BLTP1: variants seen among roughly 807,000 people sequenced by gnomAD.
The protein encoded by BLTP1 is bridge-like lipid transfer protein family member 1.
At chr4:122,203,202 C>T in the BLTP1 span, among the ~76,000 whole-genome samples, 4 of 151,944 alleles carry the variant, frequency 2.6e-5, no homozygotes, top group African/African-American at 9.6e-5. Flanking sequence ...CCTAATGTTC[C>T]TGAACAGCCA....
chr4:122,196,773 G>A, the BLTP1 span: 1 of 1,572,232 alleles, frequency 6.4e-7, no homozygotes, highest in Admixed American at 1.7e-5. Context: ...CAATTGATTT[G>A]CTGTTTACCA....
chr4:122,309,989 A>C, the BLTP1 span, among the ~76,000 whole-genome samples: 1 of 152,242 alleles, frequency 6.6e-6, no homozygotes, highest in Non-Finnish European at 1.5e-5. Context: ...TATTGAAGAT[A>C]CGGAATTTAT....
chr4:122,180,393 G>C, the BLTP1 span, among the ~76,000 whole-genome samples: 3 of 152,108 alleles, frequency 2.0e-5, no homozygotes, highest in Non-Finnish European at 4.4e-5. Context: ...TAATCTTTCA[G>C]AATGTGATAT....
chr4:122,175,004 A>G, the BLTP1 span: 6 of 927,360 alleles, frequency 6.5e-6, no homozygotes, highest in African/African-American at 8.9e-5. Flanking sequence ...TTAGCTCCTT[A>G]TTAGAGATAA....
the BLTP1 span, chr4:122,215,476 A>G: frequency 1.0e-6 from 1 of 985,356 alleles, no homozygotes; most frequent in Non-Finnish European, 1.2e-6. Context: ...GAGTCCTTAG[A>G]TCAGCTGTTT....
chr4:122,293,114 A>G, the BLTP1 span: 3 of 959,350 alleles, frequency 3.1e-6, no homozygotes, highest in Non-Finnish European at 3.7e-6. Flanking sequence ...TTAATCAAGT[A>G]TAGAGGATAT....
the BLTP1 span, among the ~76,000 whole-genome samples, chr4:122,345,567 G>T: frequency 1.9e-4 from 27 of 145,864 alleles, no homozygotes; most frequent in Admixed American, 1.6e-3. Flanking sequence ...GAGGCTAGAG[G>T]TAAAGCTGAT....
chr4:122,249,553 T>G, the BLTP1 span: 2 of 1,613,656 alleles, frequency 1.2e-6, no homozygotes, highest in Non-Finnish European at 1.7e-6. Context: ...TCTTGAAGAG[T>G]TGGATGAATT....
chr4:122,202,562 C>T, the BLTP1 span: 9 of 968,456 alleles, frequency 9.3e-6, no homozygotes, highest in African/African-American at 1.8e-5. Flanking sequence ...TAGCCTTTTG[C>T]TTCTCACTTA....
At chr4:122,153,159 GTTTT>G in the BLTP1 span, 74 of 125,634 alleles carry the variant, frequency 5.9e-4, no homozygotes, top group Non-Finnish European at 9.6e-4. Context: ...AGTTGTTGTC[GTTTT>G]TTTTTTTTTT....
At chr4:122,220,789 G>A in the BLTP1 span, among the ~76,000 whole-genome samples, 91 of 152,174 alleles carry the variant, frequency 6.0e-4, no homozygotes, top group African/African-American at 2.1e-3. Context: ...ATGTTGGTAG[G>A]TTCTGTTGAG....
chr4:122,242,515 C>G, the BLTP1 span, among the ~76,000 whole-genome samples: 106 of 152,080 alleles, frequency 7.0e-4, 1 homozygote, highest in African/African-American at 2.3e-3. Flanking sequence ...TTATTTTTTG[C>G]CATTAAGTCT....
chr4:122,228,930 C>A, the BLTP1 span: 2 of 179,532 alleles, frequency 1.1e-5, no homozygotes, highest in African/African-American at 2.4e-5. Context: ...TGTTTTCTAA[C>A]GTATAGTTTT....
chr4:122,266,879 T>G, the BLTP1 span: 3 of 1,612,670 alleles, frequency 1.9e-6, no homozygotes, highest in African/African-American at 1.3e-5. Context: ...CCTTTCATTT[T>G]CAGGGACTTT....
At chr4:122,173,415 C>T in the BLTP1 span, among the ~76,000 whole-genome samples, 6 of 152,066 alleles carry the variant, frequency 3.9e-5, no homozygotes, top group Admixed American at 3.3e-4. Flanking sequence ...TTGCTCAGGT[C>T]TCTTTTTCCT....
the BLTP1 span, among the ~76,000 whole-genome samples, chr4:122,275,609 G>A: frequency 6.6e-6 from 1 of 152,018 alleles, no homozygotes; most frequent in Non-Finnish European, 1.5e-5. Flanking sequence ...GCTTCCAATA[G>A]TCTTTAACCT....
At chr4:122,219,663 C>A in the BLTP1 span, 17 of 821,708 alleles carry the variant, frequency 2.1e-5, no homozygotes, top group African/African-American at 2.3e-4. Context: ...AAAAGAAAAT[C>A]AGATTTAGAA....
chr4:122,220,963 G>A, the BLTP1 span: 1 of 356,118 alleles, frequency 2.8e-6, no homozygotes, highest in Non-Finnish European at 3.9e-6. Context: ...TATTCATCAA[G>A]TGAGAATTTG....
chr4:122,319,841 G>GA, the BLTP1 span, among the ~76,000 whole-genome samples: 1 of 151,610 alleles, frequency 6.6e-6, no homozygotes, highest in Non-Finnish European at 1.5e-5. Context: ...GCCTGGCCAT[G>GA]ATTTATAATT....
Sources: allele counts gnomAD v4.1 joint callset (sites outside exome capture counted in the v4.1 genomes callset), GRCh38; gene constraint gnomAD v4.1.1; transcripts MANE v1.5; gene names NCBI Gene and HGNC (gene_info 2026-07-23, HGNC 2026-07-21).